ZNF529: variants seen among roughly 807,000 people sequenced by gnomAD.
ZNF529 encodes zinc finger protein 529.
In ZNF529, 11 loss-of-function variants were observed where a neutral mutation model predicts 10.1. The ratio of observed to expected loss-of-function variants is 1.09; its 90% CI spans 0.69 to 1.81. The LOEUF (loss-of-function observed/expected upper bound fraction) is 1.81. Among genes scored for constraint, ZNF529 ranks in the 40% most tolerant of loss-of-function variants. The pLI is 0.00. For synonymous variants in ZNF529, 204 were observed against 215.7 expected (o/e 0.95, Z 0.47); for missense variants, 624 against 666.8 (o/e 0.94, Z 0.71).
At chr19:36,555,920 T>A (rs185963997) in intron 3 of ZNF529, among the ~76,000 whole-genome samples, 184 bp downstream of exon 3, 5 of 152,060 alleles carry the variant, frequency 3.3e-5, no homozygotes, top group Non-Finnish European at 7.4e-5. Flanking sequence ...ACTGAACACA[T>A]AGGAGTGTTG....
At chr19:36,567,078 A>G (rs944745925) in intron 2 of ZNF529, among the ~76,000 whole-genome samples, 1 of 152,168 alleles carries the variant, frequency 6.6e-6, no homozygotes, top group African/African-American at 2.4e-5. Flanking sequence ...TGGAAGACTG[A>G]TATTTCCCAA....
At chr19:36,571,226 A>G (rs1299689112) in intron 2 of ZNF529, among the ~76,000 whole-genome samples, 1 of 152,254 alleles carries the variant, frequency 6.6e-6, no homozygotes. Context: ...ATAACAATAA[A>G]ACATATACCA....
chr19:36,579,214 T>A (rs939603677), intron 2 of ZNF529, among the ~76,000 whole-genome samples: 34 of 149,584 alleles, frequency 2.3e-4, no homozygotes, highest in East Asian at 1.8e-3. Context: ...AAAAAAAAAA[T>A]ACTACACGTG....
intron 1 of ZNF529, among the ~76,000 whole-genome samples, chr19:36,602,919 A>G (rs1350457155): frequency 1.4e-5 from 2 of 138,946 alleles, no homozygotes; most frequent in Non-Finnish European, 3.1e-5. Flanking sequence ...AACAAAAGTG[A>G]AACTCCGTCT....
Position 36,548,309 on chromosome 19 carries a change from C to T in ZNF529, c.249G>A (p.Arg83=). 6.4e-7 allele frequency: 1 copy of T among 1,555,582 alleles called. No homozygotes were observed. Among genetic ancestry groups the T allele is most frequent in the Non-Finnish European group, 8.7e-7 (1 of 1,151,366 alleles). The change falls in exon 5 of 5, where the codon AGG becomes AGA. Residue 83 remains arginine, a synonymous_variant. Coordinates refer to ENST00000591340, the MANE Select transcript of ZNF529 (RefSeq NM_020951.5). ...SNLLSLDLES[R]NETKHLSVGK... is the part of the protein sequence containing the mutation. The stretch of plus-strand genomic sequence containing the variant: ...CTACAGATAAATGCTTAGTCTCATT[C>T]CTGGACTCCAAATCTGAAAGAAAGG...
intron 2 of ZNF529, among the ~76,000 whole-genome samples, chr19:36,557,163 G>T (rs1377325167): frequency 2.6e-5 from 4 of 152,142 alleles, no homozygotes; most frequent in Non-Finnish European, 2.9e-5. Context: ...AACAGCTGGG[G>T]GTGGTCAGGG....
intron 4 of ZNF529, among the ~76,000 whole-genome samples, chr19:36,548,864 G>A (rs1409543454): frequency 3.3e-5 from 5 of 152,236 alleles, no homozygotes; most frequent in Admixed American, 6.5e-5. Context: ...ACAGCTGGGC[G>A]TGATGGCATG....
intron 1 of ZNF529, among the ~76,000 whole-genome samples, chr19:36,596,056 T>C (rs2036833107): frequency 8.5e-6 from 1 of 117,330 alleles, no homozygotes; most frequent in African/African-American, 3.4e-5. Flanking sequence ...ATCCTGAAGC[T>C]CTTTTTTTTT....
chr19:36,596,218 C>T (rs62116090), intron 1 of ZNF529, among the ~76,000 whole-genome samples: 1,920 of 151,650 alleles, frequency 0.013, 21 homozygotes, highest in Non-Finnish European at 0.021. Context: ...GGACTACAGG[C>T]GTGTGCCACC....
intron 2 of ZNF529, among the ~76,000 whole-genome samples, chr19:36,579,198 C>T (rs1488027958): frequency 6.9e-6 from 1 of 144,598 alleles, no homozygotes; most frequent in African/African-American, 2.7e-5. Context: ...GAGACTCCGT[C>T]TAAAAAAAAA....
At chr19:36,548,907 G>A (rs1219632688) in intron 4 of ZNF529, among the ~76,000 whole-genome samples, 1 of 152,166 alleles carries the variant, frequency 6.6e-6, no homozygotes, top group Non-Finnish European at 1.5e-5. Context: ...GGAGGCTGAG[G>A]CACAAGAATT....
In ZNF529 at chr19:36,546,494, G is replaced by A. The variant is rs752321921; in HGVS notation, c.*372C>T. ...TAACTCTGTGGAGGAAAATAAGTAA[G>A]TATAGATATCACAAGCAAAGAATTA... is the stretch of plus-strand genomic sequence containing the variant. On this transcript the variant is annotated 3_prime_UTR_variant, in exon 5 of 5. Transcript: ENST00000591340. 2.8e-5 allele frequency: 5 copies of A among 178,112 alleles called. No individual in the cohort carries two copies. The highest frequency in any genetic ancestry group is 4.7e-5 in the Non-Finnish European group (4 of 84,610). The allele number at this position is 178,112 out of a possible 1,614,324, so 11.0% of individuals were successfully genotyped here.
At chr19:36,597,600 G>T (rs187973252) in intron 1 of ZNF529, among the ~76,000 whole-genome samples, 1 of 152,064 alleles carries the variant, frequency 6.6e-6, no homozygotes, top group Non-Finnish European at 1.5e-5. Context: ...TGGGGGAGAG[G>T]ATTAATACTT....
At chr19:36,585,435 T>C (rs892238583) in intron 2 of ZNF529, among the ~76,000 whole-genome samples, 5 of 152,166 alleles carry the variant, frequency 3.3e-5, no homozygotes, top group Admixed American at 2.6e-4. Context: ...CTGCACTGTT[T>C]TTAGTTGTGT....
intron 1 of ZNF529, among the ~76,000 whole-genome samples, chr19:36,599,502 A>C (rs1286723868): frequency 6.6e-6 from 1 of 152,180 alleles, no homozygotes; most frequent in Non-Finnish European, 1.5e-5. Context: ...CTCTCATTCA[A>C]ATGACTAATT....
At chr19:36,566,168 A>G (rs2035891026) in intron 2 of ZNF529, among the ~76,000 whole-genome samples, 1 of 152,172 alleles carries the variant, frequency 6.6e-6, no homozygotes, top group Admixed American at 6.5e-5. Context: ...CACTAGTGGG[A>G]AAACAACAAC....
At position 36,545,912 on chromosome 19, in the gene ZNF529, T is replaced by C. The variant is rs1424430234; in HGVS notation, c.*954A>G. ...CAAATATTTAAAAGAGTTCTCTTCA[T>C]TTGGATCCTGGTTGGTATAGCCTGC... is the stretch of plus-strand genomic sequence containing the variant. On this transcript the variant is annotated 3_prime_UTR_variant, in exon 5 of 5. Coordinates refer to ENST00000591340, the MANE Select transcript of ZNF529 (RefSeq NM_020951.5). 6.6e-6 allele frequency: 1 copy of C among 151,810 alleles called. No individual in the cohort carries two copies. Among genetic ancestry groups the C allele is most frequent in the Non-Finnish European group, 1.5e-5 (1 of 67,922 alleles). 9.4% of individuals were successfully genotyped at this position (151,810 alleles called of 1,614,324 possible). A position where few individuals can be genotyped will look rare whatever the true frequency, so the allele number is the denominator to read the frequency against.
At chr19:36,574,404 T>C (rs2036260806), upstream of ZNF529, among the ~76,000 whole-genome samples, 1 of 152,178 alleles carries the variant, frequency 6.6e-6, no homozygotes, top group East Asian at 1.9e-4. Context: ...GGGTCTTTTC[T>C]ATCAGTAATT....
chr19:36,572,006 G>A (rs969914867), intron 2 of ZNF529, among the ~76,000 whole-genome samples: 1 of 147,964 alleles, frequency 6.8e-6, no homozygotes, highest in Admixed American at 6.9e-5. Flanking sequence ...TGCTTTGTTT[G>A]CAAATCAAGT....
Sources: allele counts gnomAD v4.1 joint callset (sites outside exome capture counted in the v4.1 genomes callset), GRCh38; gene constraint gnomAD v4.1.1; transcripts MANE v1.5; gene names NCBI Gene and HGNC (gene_info 2026-07-23, HGNC 2026-07-21).